Variants in TMEM260 observed in about 807,000 individuals in gnomAD.
TMEM260 encodes transmembrane protein 260.
TMEM260 carries 82 observed loss-of-function variants against 88.9 expected under a neutral mutation model. The ratio of observed to expected loss-of-function variants is 0.92; its 90% confidence interval spans 0.77 to 1.11. The LOEUF is 1.11. TMEM260 is among the 50% of genes least tolerant of loss of function. TMEM260 has a pLI of 0.00. For missense variants in TMEM260, 902 were observed against 853.4 expected, an observed-to-expected ratio of 1.06 and a Z score of -0.71; for synonymous variants, 314 against 309.3, an observed-to-expected ratio of 1.02 and a Z score of -0.16.
intron 3 of TMEM260, among the ~76,000 whole-genome samples, chr14:56,602,139 C>T (rs1451279923): frequency 6.6e-6 from 1 of 152,058 alleles, no homozygotes; most frequent in Non-Finnish European, 1.5e-5. Flanking sequence ...AAATTTAACT[C>T]CAATTCACAT....
intron 12 of TMEM260, among the ~76,000 whole-genome samples, chr14:56,628,984 C>T (rs754085471): frequency 2.1e-4 from 32 of 151,996 alleles, no homozygotes; most frequent in Admixed American, 5.9e-4. Flanking sequence ...CAACCTCCAC[C>T]TCCCAGGTTA....
At chr14:56,612,669 A>G (rs148694377) in intron 7 of TMEM260, 21 of 167,136 alleles carry the variant, frequency 1.3e-4, no homozygotes, top group African/African-American at 4.8e-4. Flanking sequence ...AAACATCTGT[A>G]TATGTTTGTA....
chr14:56,656,911 C>T, the TMEM260 span, among the ~76,000 whole-genome samples: 1 of 152,116 alleles, frequency 6.6e-6, no homozygotes, highest in African/African-American at 2.4e-5. Context: ...AAGTAAAAAT[C>T]GTGTGCACAA....
chr14:56,639,738 A>T (rs1889423698), intron 15 of TMEM260, among the ~76,000 whole-genome samples: 1 of 152,182 alleles, frequency 6.6e-6, no homozygotes. Flanking sequence ...TCCTAGTCAA[A>T]GAAAGGGGTG....
At chr14:56,661,159 C>T in the TMEM260 span, among the ~76,000 whole-genome samples, 7 of 152,326 alleles carry the variant, frequency 4.6e-5, no homozygotes, top group East Asian at 5.8e-4. Context: ...GTCCTGTCCA[C>T]GCTGGAGGAT....
chr14:56,598,353 A>G (rs548247553), intron 3 of TMEM260, among the ~76,000 whole-genome samples: 63 of 152,238 alleles, frequency 4.1e-4, no homozygotes, highest in Non-Finnish European at 1.0e-4. Context: ...AACAGGGATC[A>G]ACACAGCAGA....
chr14:56,594,185 T>C (rs929289429), intron 3 of TMEM260, among the ~76,000 whole-genome samples: 1 of 152,244 alleles, frequency 6.6e-6, no homozygotes, highest in African/African-American at 2.4e-5. Flanking sequence ...AAGAATTAGA[T>C]TGAGAATGGA....
At chr14:56,607,269 G>T (rs994358579) in intron 5 of TMEM260, among the ~76,000 whole-genome samples, 4 of 152,142 alleles carry the variant, frequency 2.6e-5, no homozygotes, top group African/African-American at 9.7e-5. Flanking sequence ...CATCAGAGGG[G>T]TGCATTCTTA....
chr14:56,587,466 T>C (rs1165961133), intron 3 of TMEM260, among the ~76,000 whole-genome samples: 2 of 151,952 alleles, frequency 1.3e-5, no homozygotes, highest in African/African-American at 4.8e-5. Flanking sequence ...GACAGTACTT[T>C]TCTTTAAAAA....
At chr14:56,609,728 T>A (rs1465113062) in intron 6 of TMEM260, among the ~76,000 whole-genome samples, 2 of 152,218 alleles carry the variant, frequency 1.3e-5, no homozygotes, top group East Asian at 3.8e-4. Flanking sequence ...TTTATGTTAA[T>A]GTCTAGTTTT....
intron 15 of TMEM260, among the ~76,000 whole-genome samples, chr14:56,646,215 T>C (rs900365841): frequency 3.3e-5 from 5 of 152,260 alleles, no homozygotes; most frequent in African/African-American, 1.2e-4. Flanking sequence ...GAATATTTCA[T>C]GAGGGTGCTA....
intron 3 of TMEM260, among the ~76,000 whole-genome samples, chr14:56,597,885 A>G (rs986106907): frequency 6.6e-6 from 1 of 152,226 alleles, no homozygotes; most frequent in African/African-American, 2.4e-5. Context: ...CTAGGTAGAT[A>G]ATGAAAGTCA....
At chr14:56,598,730 C>T (rs1371833817) in intron 3 of TMEM260, among the ~76,000 whole-genome samples, 3 of 152,164 alleles carry the variant, frequency 2.0e-5, no homozygotes, top group Non-Finnish European at 4.4e-5. Context: ...GCACAAATCA[C>T]AGACATAACT....
intron 9 of TMEM260, 61 bp downstream of exon 9, chr14:56,617,358 A>G: frequency 9.0e-7 from 1 of 1,107,208 alleles, no homozygotes; most frequent in Non-Finnish European, 1.3e-6. Context: ...GCAAATTTGC[A>G]TTTCATAAAT....
chr14:56,633,098 G>T lies in TMEM260; in HGVS notation c.1651G>T (p.Glu551Ter). 1 of 1,613,818 alleles carries T rather than the reference G, an allele frequency of 6.2e-7. No individual in the cohort carries two copies. Among genetic ancestry groups the T allele is most frequent in the South Asian group, 1.1e-5 (1 of 91,074 alleles). ...WGSCDKLVPLEIVFNPEEWIK... is the reference protein window; with the variant it reads ...WGSCDKLVPL ...GTCTTGTGACAAATTAGTTCCTTTG[G>T]AGATTGTATTCAACCCTGAGGAATG... The change falls in exon 13 of 16, where the codon GAG becomes TAG. Residue 551 changes from glutamate (E) to a stop codon, truncating the protein, a stop_gained. Transcript: ENST00000261556. LOFTEE classifies it high-confidence loss of function.
chr14:56,585,975 C>T, intron 3 of TMEM260, 63 bp downstream of exon 3: 1 of 1,498,098 alleles, frequency 6.7e-7, no homozygotes, highest in Non-Finnish European at 9.0e-7. Context: ...TCTTATGGCT[C>T]AAGTACATAC....
chr14:56,663,044 G>T, the TMEM260 span, among the ~76,000 whole-genome samples: 1 of 152,152 alleles, frequency 6.6e-6, no homozygotes, highest in Non-Finnish European at 1.5e-5. The surrounding 1 kb of genome is among the most constrained non-coding windows in gnomAD (Gnocchi z 4.1). Context: ...CAGGAGAATC[G>T]CTTGAACCCA....
intron 15 of TMEM260, among the ~76,000 whole-genome samples, chr14:56,638,798 G>A (rs1020399429): frequency 4.6e-5 from 7 of 151,686 alleles, no homozygotes; most frequent in Admixed American, 3.9e-4. Context: ...CAGGGAGCAG[G>A]GCAGGGCGTA....
At chr14:56,617,543 T>C (rs977175854) in intron 9 of TMEM260, among the ~76,000 whole-genome samples, 1 of 152,232 alleles carries the variant, frequency 6.6e-6, no homozygotes, top group African/African-American at 2.4e-5. Flanking sequence ...TAAGTCATTG[T>C]ATGTGTGTGT....
Sources: gnomAD v4.1 joint callset for allele counts (sites outside exome capture counted in the v4.1 genomes callset) on GRCh38, gnomAD v4.1.1 for gene constraint, Gnocchi (gnomAD v3.1) non-coding constraint, MANE v1.5 for transcripts, NCBI Gene and HGNC (gene_info 2026-07-23, HGNC 2026-07-21) for gene names.